TPRG1: variants seen among roughly 807,000 people sequenced by gnomAD.
TPRG1 encodes tumor protein p63-regulated gene 1 protein.
Under a neutral mutation model 29.3 loss-of-function variants are expected in TPRG1, and 29 were observed. That is an observed-to-expected ratio of 0.99 (90% confidence interval 0.74 to 1.35). The LOEUF is 1.35. TPRG1 is among the 40% of genes most tolerant of loss of function. The probability of loss-of-function intolerance (pLI) is 0.00; values close to 1 mark genes in which losing one functional copy is unlikely to be tolerated. For synonymous variants in TPRG1, 130 were observed against 116.8 expected (o/e 1.11, Z -0.73); for missense variants, 327 against 335.0 (o/e 0.98, Z 0.19).
intron 3 of TPRG1, among the ~76,000 whole-genome samples, chr3:189,007,002 C>G (rs535236449): frequency 4.0e-5 from 6 of 151,894 alleles, no homozygotes; most frequent in African/African-American, 1.5e-4. Flanking sequence ...ACTTCATGTG[C>G]AAAACACCAA....
intron 1 of TPRG1, among the ~76,000 whole-genome samples, chr3:189,186,241 A>G (rs1310734071): frequency 6.6e-6 from 1 of 152,154 alleles, no homozygotes; most frequent in Non-Finnish European, 1.5e-5. Context: ...GTCAATGATG[A>G]CCCGAAATGT....
rs145402292 is a variant in TPRG1 at position 189,050,926 on chromosome 3, A to T, written c.-463+26980A>T. On this transcript the variant is annotated intron_variant, in intron 4 of 10. Transcript: ENST00000433971. ...TCTCAGCAAAATCGGCATGCAAGGGACATACCTTAATGTAATAAAAGCCAT... is the reference window on the plus strand; with the variant it reads ...TCTCAGCAAAATCGGCATGCAAGGGTCATACCTTAATGTAATAAAAGCCAT... Among the ~76,000 whole-genome samples, 107 of 152,312 alleles carry T rather than the reference A, an allele frequency of 7.0e-4. 1 individual carries two copies. In the East Asian group the frequency reaches 0.014, roughly 20 times the overall value.
intron 4 of TPRG1, among the ~76,000 whole-genome samples, chr3:189,047,596 T>C (rs1196388489): frequency 6.6e-6 from 1 of 152,236 alleles, no homozygotes; most frequent in African/African-American, 2.4e-5. Context: ...CTCTTTAGCA[T>C]GTGATGCTGT....
intron 5 of TPRG1, among the ~76,000 whole-genome samples, chr3:189,312,873 T>C (rs149443217): frequency 1.6e-3 from 243 of 152,330 alleles, no homozygotes; most frequent in African/African-American, 5.5e-3. Context: ...TTGATGTTCA[T>C]GTAGCTCTTA....
chr3:189,055,040 C>G (rs1196563807), intron 4 of TPRG1, among the ~76,000 whole-genome samples: 1 of 152,176 alleles, frequency 6.6e-6, no homozygotes, highest in Non-Finnish European at 1.5e-5. Flanking sequence ...CAGTTTTTCT[C>G]TAACTAAACT....
intron 3 of TPRG1, among the ~76,000 whole-genome samples, chr3:189,145,982 G>A (rs1725211401): frequency 6.6e-6 from 1 of 152,080 alleles, no homozygotes; most frequent in Non-Finnish European, 1.5e-5. Context: ...AAGAGAATAT[G>A]CATATCTTTA....
chr3:189,257,556 TGCTAG>T (rs1712128186), intron 4 of TPRG1, among the ~76,000 whole-genome samples: 1 of 152,222 alleles, frequency 6.6e-6, no homozygotes, highest in African/African-American at 2.4e-5. Flanking sequence ...TGGCCTGTCT[TGCTAG>T]GTTGGGGAAG....
At chr3:189,239,116 C>A (rs1172670609) in intron 4 of TPRG1, among the ~76,000 whole-genome samples, 1 of 152,160 alleles carries the variant, frequency 6.6e-6, no homozygotes, top group African/African-American at 2.4e-5. Context: ...AGTTCGTTTT[C>A]ACACTGCTCA....
At chr3:189,032,017 A>T (rs1293450574) in intron 4 of TPRG1, among the ~76,000 whole-genome samples, 1 of 152,218 alleles carries the variant, frequency 6.6e-6, no homozygotes, top group Admixed American at 6.5e-5. Context: ...GGTAGAATAA[A>T]GCCCCCTTAC....
At chr3:189,207,232 C>A in intron 1 of TPRG1, 144 bp from the exon 2 acceptor site, 1 of 1,418,650 alleles carries the variant, frequency 7.0e-7, no homozygotes, top group Non-Finnish European at 9.3e-7. Flanking sequence ...AAGCTGTATC[C>A]ACCAATGCCT....
chr3:189,181,154 A>C (rs934134429), intron 1 of TPRG1, among the ~76,000 whole-genome samples: 2 of 152,008 alleles, frequency 1.3e-5, no homozygotes, highest in Admixed American at 6.6e-5. Context: ...CAGCCCACTA[A>C]ACCACTTTTT....
At chr3:189,163,730 C>T (rs1415528466) in intron 5 of TPRG1, among the ~76,000 whole-genome samples, 1 of 152,012 alleles carries the variant, frequency 6.6e-6, no homozygotes, top group Non-Finnish European at 1.5e-5. Flanking sequence ...CTATGTGTGC[C>T]ATTAGGGCTT....
intron 2 of TPRG1, among the ~76,000 whole-genome samples, chr3:189,127,662 T>C (rs917557474): frequency 6.6e-6 from 1 of 152,172 alleles, no homozygotes; most frequent in African/African-American, 2.4e-5. Flanking sequence ...GGTCTTTTTA[T>C]AGCAATGTGG....
chr3:189,210,103 C>T (rs978086089), intron 2 of TPRG1, among the ~76,000 whole-genome samples: 2 of 151,950 alleles, frequency 1.3e-5, no homozygotes, highest in Non-Finnish European at 2.9e-5. Context: ...TTGAAAAAAA[C>T]TGGAGAGAAA....
intron 4 of TPRG1, among the ~76,000 whole-genome samples, chr3:189,081,237 GC>G (rs1717571904): frequency 6.6e-6 from 1 of 152,118 alleles, no homozygotes; most frequent in African/African-American, 2.4e-5. Flanking sequence ...TCATCAGTAG[GC>G]CATGAGAATG....
At chr3:189,313,299 A>G (rs936459174) in intron 5 of TPRG1, 1 of 152,206 alleles carries the variant, frequency 6.6e-6, no homozygotes, top group African/African-American at 2.4e-5. Context: ...AGTTATATCA[A>G]TGTAAAAGAA....
intron 1 of TPRG1, among the ~76,000 whole-genome samples, chr3:189,118,378 C>G (rs978337848): frequency 2.0e-5 from 3 of 152,104 alleles, no homozygotes; most frequent in Non-Finnish European, 4.4e-5. Flanking sequence ...AATTTGCAGC[C>G]TAACAATGTG....
intron 5 of TPRG1, among the ~76,000 whole-genome samples, chr3:189,319,502 C>T (rs1400202022): frequency 6.6e-6 from 1 of 151,930 alleles, no homozygotes; most frequent in Non-Finnish European, 1.5e-5. Flanking sequence ...TTCAATCACA[C>T]CAACACATTC....
intron 4 of TPRG1, among the ~76,000 whole-genome samples, chr3:189,029,482 A>G (rs1287455681): frequency 6.6e-6 from 1 of 152,214 alleles, no homozygotes; most frequent in Non-Finnish European, 1.5e-5. Context: ...AAGCAATTCA[A>G]TAGGCTTTTC....
Sources: allele counts gnomAD v4.1 joint callset (sites outside exome capture counted in the v4.1 genomes callset), GRCh38; gene constraint gnomAD v4.1.1; transcripts MANE v1.5; gene names NCBI Gene and HGNC (gene_info 2026-07-23, HGNC 2026-07-21).